The following SNX30 variants were observed in gnomAD, a reference collection of about 807,000 sequenced individuals.
SNX30 encodes sorting nexin-30.
SNX30 carries 24 observed loss-of-function variants against 46.4 expected under a neutral mutation model. That is an observed-to-expected ratio of 0.52 (90% CI 0.37 to 0.73). The LOEUF is 0.73. Ranked by LOEUF, SNX30 falls within the 30% of genes least tolerant of loss-of-function variation. The pLI is 0.00. For synonymous variants in SNX30, 189 were observed against 211.5 expected, an observed-to-expected ratio of 0.89 and a Z score of 0.92; for missense variants, 533 against 555.7, an observed-to-expected ratio of 0.96 and a Z score of 0.41.
At chr9:112,807,184 G>A (rs1840241971) in intron 2 of SNX30, among the ~76,000 whole-genome samples, 1 of 145,582 alleles carries the variant, frequency 6.9e-6, no homozygotes, top group Admixed American at 7.1e-5. Context: ...TCCTGCCTCA[G>A]CCTCCCGAGT....
At position 112,865,661 on chromosome 9, in the gene SNX30, A is replaced by ATATGTG; in HGVS notation, c.1254+1263_1254+1264insATGTGT. On this transcript the variant is annotated intron_variant, in intron 8 of 8. Coordinates refer to ENST00000374232, the MANE Select transcript of SNX30 (RefSeq NM_001012994.2). ...TATATATATATATATATATATATAT[A>ATATGTG]TGTATGTATGTATGCACACACACAC... Among the ~76,000 whole-genome samples the ATATGTG allele has an allele frequency of 3.4e-3, 358 of 105,636 alleles. 11 individuals carry two copies. Among genetic ancestry groups the ATATGTG allele is most frequent in the Non-Finnish European group, 5.4e-3 (285 of 52,636 alleles). 69.3% of individuals were successfully genotyped at this position (105,636 alleles called of 152,430 possible). A position where few individuals can be genotyped will look rare whatever the true frequency, so the allele number is the denominator to read the frequency against.
At position 112,752,194 on chromosome 9, in the gene SNX30, C is replaced by T. The variant is rs561063684; in HGVS notation, c.156+1037C>T. ...AAGGAGTATGAGAAAATATAACCTG[C>T]CCTCCTTGCAGTCAGAAGGTCACTG... On this transcript the variant is annotated intron_variant, in intron 1 of 8. Coordinates refer to ENST00000374232, the MANE Select transcript of SNX30 (RefSeq NM_001012994.2). Among the ~76,000 whole-genome samples the T allele has an allele frequency of 1.7e-3, 252 of 152,280 alleles. 2 individuals are homozygous for T. The highest frequency in any genetic ancestry group is 5.5e-3 in the African/African-American group (230 of 41,546).
chr9:112,836,137 C>A (rs1165123998), intron 4 of SNX30, 77 bp from the exon 5 acceptor site: 3 of 1,365,464 alleles, frequency 2.2e-6, no homozygotes, highest in Admixed American at 2.2e-5. Flanking sequence ...ACTGAAGCTG[C>A]TTTTAGAAGC....
chr9:112,841,094 A>G (rs1310940811), intron 6 of SNX30, among the ~76,000 whole-genome samples: 2 of 152,214 alleles, frequency 1.3e-5, no homozygotes, highest in African/African-American at 4.8e-5. Context: ...AGTTTTTACA[A>G]TTCCTGGAGT....
downstream of SNX30, chr9:112,879,868 TA>T: frequency 6.4e-7 from 1 of 1,558,838 alleles, no homozygotes; most frequent in Non-Finnish European, 8.8e-7. Flanking sequence ...TGGAATGGGG[TA>T]AAGGTGAAAC....
At chr9:112,880,330 C>CAAAAACAA (rs1841561473) in exon 5 of SNX30, 2 of 91,110 alleles carry the variant, frequency 2.2e-5, no homozygotes, top group South Asian at 9.9e-4. Context: ...GATTCTGTCT[C>CAAAAACAA]AAAAAAAAAA....
In SNX30 at chr9:112,873,416, A is replaced by C. The variant is rs1841476716; in HGVS notation, c.*4573A>C. 6.6e-6 allele frequency: 1 copy of C among 152,178 alleles called. No homozygotes were observed. Among genetic ancestry groups the C allele is most frequent in the Admixed American group, 6.5e-5 (1 of 15,278 alleles). 9.4% of individuals were successfully genotyped at this position (152,178 alleles called of 1,614,324 possible). ...TAATATGCCTTATTCTTCTTCACCTAGTGTTTTAAAAGTCCTGGGTAGAAA... is the reference window on the plus strand; with the variant it reads ...TAATATGCCTTATTCTTCTTCACCTCGTGTTTTAAAAGTCCTGGGTAGAAA... On this transcript the variant is annotated 3_prime_UTR_variant, in exon 9 of 9. Coordinates refer to ENST00000374232, the MANE Select transcript of SNX30 (RefSeq NM_001012994.2).
intron 2 of SNX30, among the ~76,000 whole-genome samples, chr9:112,810,155 G>A (rs1840298168): frequency 6.6e-6 from 1 of 152,124 alleles, no homozygotes; most frequent in Admixed American, 6.5e-5. Flanking sequence ...AAGGGTGGGG[G>A]TGGTTTGAAG....
At chr9:112,790,333 A>G (rs746553443) in intron 1 of SNX30, among the ~76,000 whole-genome samples, 6 of 152,230 alleles carry the variant, frequency 3.9e-5, no homozygotes, top group Admixed American at 6.5e-5. Flanking sequence ...TTGCTGTGGT[A>G]ATAACTCCAA....
intron 4 of SNX30, among the ~76,000 whole-genome samples, chr9:112,834,270 C>G (rs1840714316): frequency 6.6e-6 from 1 of 152,090 alleles, no homozygotes; most frequent in Non-Finnish European, 1.5e-5. Flanking sequence ...TCAGATCCCA[C>G]AGGTTGAGGA....
chr9:112,783,188 A>G (rs1839871973), intron 1 of SNX30, among the ~76,000 whole-genome samples: 1 of 152,214 alleles, frequency 6.6e-6, no homozygotes, highest in South Asian at 2.1e-4. Context: ...TAACTGTTTA[A>G]TGAAATCTCT....
Position 112,817,401 on chromosome 9 carries a change from C to CTTTTTTTTTTTTTTTT in SNX30, c.349-289_349-274dup, listed in dbSNP as rs56856142. ...CGGTAGGGAAAAAAAAAAAAACTGG[C>CTTTTTTTTTTTTTTTT]TTTTTTTTTTTTTTTTTTTTTTTTT... On this transcript the variant is annotated intron_variant, in intron 2 of 8. Coordinates refer to ENST00000374232, the MANE Select transcript of SNX30 (RefSeq NM_001012994.2). Among the ~76,000 whole-genome samples the CTTTTTTTTTTTTTTTT allele has an allele frequency of 7.2e-3, 337 of 46,838 alleles. 76 individuals are homozygous for CTTTTTTTTTTTTTTTT. The highest frequency in any genetic ancestry group is 0.023 in the East Asian group (18 of 772). 30.7% of individuals were successfully genotyped at this position (46,838 alleles called of 152,430 possible). A position where few individuals can be genotyped will look rare whatever the true frequency, so the allele number is the denominator to read the frequency against.
intron 1 of SNX30, among the ~76,000 whole-genome samples, chr9:112,783,530 A>C (rs565255324): frequency 6.6e-6 from 1 of 152,320 alleles, no homozygotes; most frequent in African/African-American, 2.4e-5. Context: ...TTTGTCCCTA[A>C]GTCCATCTTA....
rs999387613 is a variant in SNX30 at position 112,872,009 on chromosome 9, G to A, written c.*3166G>A. 4.6e-5 allele frequency: 7 copies of A among 152,162 alleles called. No individual in the cohort carries two copies. Among genetic ancestry groups the A allele is most frequent in the African/African-American group, 1.2e-4 (5 of 41,436 alleles). 9.4% of individuals were successfully genotyped at this position (152,162 alleles called of 1,614,324 possible). A position where few individuals can be genotyped will look rare whatever the true frequency, so the allele number is the denominator to read the frequency against. On this transcript the variant is annotated 3_prime_UTR_variant, in exon 9 of 9. Coordinates refer to ENST00000374232, the MANE Select transcript of SNX30 (RefSeq NM_001012994.2). ...GATGATTGGCTCCATATTCCACCAC[G>A]TCATTCCTTCAACTCACCAGACACC...
intron 1 of SNX30, among the ~76,000 whole-genome samples, chr9:112,774,743 T>C (rs1839711429): frequency 6.6e-6 from 1 of 152,196 alleles, no homozygotes; most frequent in Non-Finnish European, 1.5e-5. Context: ...AAATTGGCTA[T>C]TCTGTATCCT....
At chr9:112,804,100 G>A (rs1840182847) in intron 1 of SNX30, among the ~76,000 whole-genome samples, 1 of 150,736 alleles carries the variant, frequency 6.6e-6, no homozygotes, top group South Asian at 2.1e-4. Flanking sequence ...CGTCTTCTGC[G>A]TCGCTCACGC....
At chr9:112,759,686 G>C (rs193099946) in intron 1 of SNX30, among the ~76,000 whole-genome samples, 3 of 150,650 alleles carry the variant, frequency 2.0e-5, no homozygotes, top group African/African-American at 7.3e-5. Context: ...CTGAGATTGC[G>C]CCACTGCACT....
chr9:112,804,257 C>T (rs1840186587), intron 1 of SNX30, among the ~76,000 whole-genome samples: 1 of 152,160 alleles, frequency 6.6e-6, no homozygotes, highest in African/African-American at 2.4e-5. Flanking sequence ...CTCCGCCTCC[C>T]AGGTTCAAGC....
intron 7 of SNX30, among the ~76,000 whole-genome samples, chr9:112,852,488 C>T (rs552908109): frequency 1.3e-5 from 2 of 152,068 alleles, no homozygotes; most frequent in South Asian, 4.1e-4. Flanking sequence ...GGAACTGATC[C>T]CCACCCCACC....
Sources: gnomAD v4.1 joint callset for allele counts (sites outside exome capture counted in the v4.1 genomes callset) on GRCh38, gnomAD v4.1.1 for gene constraint, MANE v1.5 for transcripts, NCBI Gene and HGNC (gene_info 2026-07-23, HGNC 2026-07-21) for gene names.